The following LYPD6B variants were observed in gnomAD, a reference collection of about 807,000 sequenced individuals.
LYPD6B encodes the protein LY6/PLAUR domain containing 6B, also known as ly6/PLAUR domain-containing protein 6B.
A neutral mutation model predicts 22.8 loss-of-function variants in LYPD6B; 17 were observed. That is an observed-to-expected ratio of 0.75 (90% CI 0.51 to 1.12). LYPD6B has a LOEUF of 1.12. LYPD6B is among the 50% of genes most tolerant of loss of function. The pLI is 0.00. For synonymous variants in LYPD6B, 106 were observed against 91.6 expected, an observed-to-expected ratio of 1.16 and a Z score of -0.90; for missense variants, 221 against 258.3, an observed-to-expected ratio of 0.86 and a Z score of 0.99.
In LYPD6B at chr2:149,214,842, C is replaced by A; in HGVS notation, c.*132C>A. 1 of 964,484 alleles carries A rather than the reference C, an allele frequency of 1.0e-6. No homozygotes were observed. The highest frequency in any genetic ancestry group is 1.6e-6 in the Non-Finnish European group (1 of 622,620). The allele number at this position is 964,484 out of a possible 1,614,324, so 59.7% of individuals were successfully genotyped here. ...TGCACATTGGACCTCAAGGCGAAAGCCAGTGGTTTGCTTGGATAAAATGTT... is the reference window on the plus strand; with the variant it reads ...TGCACATTGGACCTCAAGGCGAAAGACAGTGGTTTGCTTGGATAAAATGTT... On this transcript the variant is annotated 3_prime_UTR_variant, in exon 7 of 7. Coordinates refer to ENST00000409642, the MANE Select transcript of LYPD6B (RefSeq NM_177964.5).
At chr2:149,082,283 G>A (rs576762157) in intron 1 of LYPD6B, among the ~76,000 whole-genome samples, 1 of 152,320 alleles carries the variant, frequency 6.6e-6, no homozygotes, top group African/African-American at 2.4e-5. Flanking sequence ...GATTAGGGAG[G>A]CCCTGGGAGG....
intron 1 of LYPD6B, among the ~76,000 whole-genome samples, chr2:149,084,719 G>A (rs779492357): frequency 1.1e-4 from 16 of 152,130 alleles, no homozygotes; most frequent in Admixed American, 6.5e-4. Context: ...AAGATTTTAC[G>A]AGGAATGTTC....
chr2:149,202,752 CTG>C (rs1339725557), intron 3 of LYPD6B, among the ~76,000 whole-genome samples: 1 of 152,298 alleles, frequency 6.6e-6, no homozygotes, highest in Non-Finnish European at 1.5e-5. Context: ...TTGTCTCACA[CTG>C]AGATTACATG....
intron 1 of LYPD6B, among the ~76,000 whole-genome samples, chr2:149,105,619 A>G (rs559046510): frequency 9.5e-4 from 144 of 152,286 alleles, no homozygotes; most frequent in Admixed American, 4.6e-3. Context: ...GCTGGTATGT[A>G]GAAATACAGT....
In LYPD6B at chr2:149,103,771, CTTTTTTTT is replaced by C. The variant is rs56739458; in HGVS notation, c.-66-27096_-66-27089del. Among the ~76,000 whole-genome samples the C allele has an allele frequency of 5.9e-3, 437 of 74,346 alleles. 4 individuals carry two copies. The highest frequency in any genetic ancestry group is 0.031 in the East Asian group (66 of 2,154). The allele number at this position is 74,346 out of a possible 152,430, so 48.8% of individuals were successfully genotyped here. A position where few individuals can be genotyped will look rare whatever the true frequency, so the allele number is the denominator to read the frequency against. ...TGATGTTCATACACGTTGTGCATATCTTTTTTTTTTTTTTTTTTTTTTTGAGACGGAAT... is the reference window on the plus strand; with the variant it reads ...TGATGTTCATACACGTTGTGCATATCTTTTTTTTTTTTTTTGAGACGGAAT... On this transcript the variant is annotated intron_variant, in intron 1 of 6. Transcript: ENST00000409642.
At chr2:149,170,604 A>G (rs766784134) in intron 3 of LYPD6B, among the ~76,000 whole-genome samples, 1 of 152,178 alleles carries the variant, frequency 6.6e-6, no homozygotes, top group Non-Finnish European at 1.5e-5. Flanking sequence ...TAATATTTAT[A>G]TTTATTACAG....
At chr2:149,205,440 G>T (rs777240330) in intron 4 of LYPD6B, 36 bp downstream of exon 4, 7 of 1,606,370 alleles carry the variant, frequency 4.4e-6, no homozygotes, top group Middle Eastern at 3.3e-4. Flanking sequence ...GTTCATGGCT[G>T]TGGGGCCAGA....
chr2:149,116,550 C>G (rs535561311), intron 1 of LYPD6B, among the ~76,000 whole-genome samples: 3 of 152,192 alleles, frequency 2.0e-5, no homozygotes, highest in Non-Finnish European at 2.9e-5. Flanking sequence ...GACACCTATT[C>G]GATTTGAATC....
chr2:149,123,311 A>G (rs1449860620), intron 1 of LYPD6B, among the ~76,000 whole-genome samples: 1 of 152,118 alleles, frequency 6.6e-6, no homozygotes, highest in Non-Finnish European at 1.5e-5. Context: ...TTATTTATGC[A>G]TGTTCTGTGG....
intron 3 of LYPD6B, among the ~76,000 whole-genome samples, chr2:149,171,464 A>G (rs554609272): frequency 1.3e-5 from 2 of 151,964 alleles, no homozygotes; most frequent in African/African-American, 2.4e-5. Flanking sequence ...TTCAATTTTT[A>G]TAACTCAAGG....
intron 1 of LYPD6B, among the ~76,000 whole-genome samples, chr2:149,051,749 T>C (rs1683572500): frequency 6.6e-6 from 1 of 152,110 alleles, no homozygotes; most frequent in Non-Finnish European, 1.5e-5. Context: ...CACTGCAACC[T>C]CCTGCTCCTG....
At chr2:149,070,226 T>C (rs868538657) in intron 1 of LYPD6B, among the ~76,000 whole-genome samples, 2 of 152,232 alleles carry the variant, frequency 1.3e-5, no homozygotes, top group Middle Eastern at 3.4e-3. Flanking sequence ...CCACAGGACG[T>C]TGGCATTTCA....
chr2:149,194,868 A>T (rs1229189267), intron 3 of LYPD6B, among the ~76,000 whole-genome samples: 1 of 152,180 alleles, frequency 6.6e-6, no homozygotes. Flanking sequence ...ACCGACTGGG[A>T]TAGCTTGGGA....
At chr2:149,127,929 G>C (rs74356180) in intron 1 of LYPD6B, among the ~76,000 whole-genome samples, 250 of 151,968 alleles carry the variant, frequency 1.6e-3, no homozygotes, top group African/African-American at 5.9e-3. Flanking sequence ...TTGTTGGACT[G>C]ATCACCTTGA....
intron 1 of LYPD6B, among the ~76,000 whole-genome samples, chr2:149,109,745 T>G (rs563597062): frequency 3.3e-5 from 5 of 152,134 alleles, no homozygotes; most frequent in Non-Finnish European, 7.3e-5. Flanking sequence ...GAAGTCTGGC[T>G]TTGTCACCCA....
At chr2:149,210,109 T>G (rs992878546) in intron 5 of LYPD6B, among the ~76,000 whole-genome samples, 1 of 152,182 alleles carries the variant, frequency 6.6e-6, no homozygotes, top group Non-Finnish European at 1.5e-5. Context: ...TCATGGCTCA[T>G]GCTATTGTTT....
chr2:149,190,726 G>T (rs928916307), intron 3 of LYPD6B, among the ~76,000 whole-genome samples: 1 of 152,040 alleles, frequency 6.6e-6, no homozygotes, highest in African/African-American at 2.4e-5. Flanking sequence ...AATTTTCTTT[G>T]CCAATTTTTC....
chr2:149,192,498 G>A (rs1016830356), intron 3 of LYPD6B, among the ~76,000 whole-genome samples: 1 of 150,208 alleles, frequency 6.7e-6, no homozygotes, highest in African/African-American at 2.5e-5. Context: ...ATGATCAGAT[G>A]GTCAAAGCAT....
rs190102102 is a variant in LYPD6B, at chr2:149,041,184, T to G, written c.-67+2383T>G. Among the ~76,000 whole-genome samples the G allele has an allele frequency of 5.3e-4, 19 of 35,968 alleles. 1 individual carries two copies. In the East Asian group the frequency reaches 0.037, roughly 69 times the overall value. The allele number at this position is 35,968 out of a possible 152,430, so 23.6% of individuals were successfully genotyped here. On this transcript the variant is annotated intron_variant, in intron 1 of 6. Transcript: ENST00000409642. Reference sequence around the variant, plus strand: ...ATGTGGTAGGATTCCAGAGGGACACTTTTTGTTGTAATATGTTTAGGTTAC... The same window carrying G: ...ATGTGGTAGGATTCCAGAGGGACACGTTTTGTTGTAATATGTTTAGGTTAC...
Sources: gnomAD v4.1 joint callset for allele counts (sites outside exome capture counted in the v4.1 genomes callset) on GRCh38, gnomAD v4.1.1 for gene constraint, MANE v1.5 for transcripts, NCBI Gene and HGNC (gene_info 2026-07-23, HGNC 2026-07-21) for gene names.